FER1L6: variants seen among roughly 807,000 people sequenced by gnomAD.
FER1L6 encodes fer-1 like family member 6, also known as fer-1-like protein 6.
A neutral mutation model predicts 219.2 loss-of-function variants in FER1L6; 177 were observed. The observed-to-expected ratio is 0.81, with a 90% CI of 0.71 to 0.91. The LOEUF is 0.91. Among genes scored for constraint, FER1L6 ranks in the 40% least tolerant of loss-of-function variants. The probability of loss-of-function intolerance (pLI) is 0.00; values close to 1 mark genes in which losing one functional copy is unlikely to be tolerated. For missense variants in FER1L6, 2,153 were observed against 2,259.9 expected (o/e 0.95, Z 0.96); for synonymous variants, 768 against 824.3 (o/e 0.93, Z 1.17).
chr8:123,953,542 A>G lies in FER1L6; in HGVS notation c.-7-2450A>G, dbSNP rs1814872835. 2.6e-5 allele frequency among the ~76,000 whole-genome samples: 4 copies of G among 152,312 alleles called. No individual in the cohort carries two copies. The South Asian group carries it at 8.3e-4, about 32-fold the overall frequency. ...GGTGGGGCATCTCGTCCTCTTCCCCAGCCCATGACAGCGTCTTCAGCCATG... is the reference window on the plus strand; with the variant it reads ...GGTGGGGCATCTCGTCCTCTTCCCCGGCCCATGACAGCGTCTTCAGCCATG... On this transcript the variant is annotated intron_variant, in intron 1 of 40. Transcript: ENST00000522917.
In FER1L6 at chr8:123,973,512, G is replaced by T. The variant is rs774337773; in HGVS notation, c.526G>T (p.Gly176Cys). The change falls in exon 7 of 41, where the codon GGT becomes TGT. Residue 176 changes from glycine (G) to cysteine (C), a missense_variant and splice_region_variant. Physicochemically the swap from Gly to Cys is radical, Grantham distance 159. Transcript: ENST00000522917. ...VDLGTVYNQP[G>C]HQFCNKWALL... is the part of the protein sequence containing the mutation. ...CCTGGGGACCGTGTACAACCAACCT[G>T]GTAAGAAAACATCACCTCCCCATCT... 1 of 1,610,696 alleles carries T rather than the reference G, an allele frequency of 6.2e-7. No individual in the cohort carries two copies. The highest frequency in any genetic ancestry group is 2.2e-5 in the East Asian group (1 of 44,844).
intron 24 of FER1L6, among the ~76,000 whole-genome samples, chr8:124,061,158 G>T (rs947045606): frequency 1.3e-5 from 2 of 152,084 alleles, no homozygotes. Context: ...TAATGGCTAC[G>T]TTTTTAAAAA....
chr8:123,891,136 C>T (rs1812642497), intron 1 of FER1L6, among the ~76,000 whole-genome samples: 1 of 152,228 alleles, frequency 6.6e-6, no homozygotes, highest in Middle Eastern at 3.4e-3. Flanking sequence ...ACTTTGATCC[C>T]AAACCATTTA....
intron 29 of FER1L6, 33 bp downstream of exon 29, chr8:124,069,508 T>C (rs1205927332): frequency 1.4e-6 from 2 of 1,471,558 alleles, no homozygotes; most frequent in Non-Finnish European, 1.9e-6. Context: ...CTGCCATGGA[T>C]GGGGAGGGAT....
At chr8:123,886,956 C>T (rs757773357) in intron 1 of FER1L6, among the ~76,000 whole-genome samples, 2 of 152,090 alleles carry the variant, frequency 1.3e-5, no homozygotes, top group Middle Eastern at 3.4e-3. Context: ...AGAAAGGGAC[C>T]CTTCTGGTCT....
intron 1 of FER1L6, among the ~76,000 whole-genome samples, chr8:123,887,832 AT>A (rs952760062): frequency 1.3e-5 from 2 of 152,116 alleles, no homozygotes; most frequent in African/African-American, 2.4e-5. Context: ...AGTCATATGT[AT>A]TTTTTCCTGT....
At chr8:124,102,932 T>C (rs182681786) in intron 38 of FER1L6, among the ~76,000 whole-genome samples, 2 of 152,342 alleles carry the variant, frequency 1.3e-5, no homozygotes, top group African/African-American at 4.8e-5. Context: ...CTTTGTCTTC[T>C]ACCTGCTACC....
At chr8:123,992,986 C>T (rs1816934199) in intron 12 of FER1L6, among the ~76,000 whole-genome samples, 1 of 152,120 alleles carries the variant, frequency 6.6e-6, no homozygotes, top group Non-Finnish European at 1.5e-5. Flanking sequence ...AGACTAATTT[C>T]CATGTATTTT....
chr8:123,963,937 C>G (rs191827624), intron 3 of FER1L6, among the ~76,000 whole-genome samples: 11 of 152,328 alleles, frequency 7.2e-5, no homozygotes, highest in Admixed American at 6.5e-4. Flanking sequence ...CAGATAGTTG[C>G]AGATGCATCA....
In FER1L6 at chr8:124,076,399, C is replaced by T. The variant is rs143126507; in HGVS notation, c.4220+74C>T. The T allele has an allele frequency of 8.6e-5, 120 of 1,394,886 alleles. No individual in the cohort carries two copies. Among genetic ancestry groups the T allele is most frequent in the African/African-American group, 7.2e-4 (51 of 70,570 alleles). The allele number at this position is 1,394,886 out of a possible 1,614,324, so 86.4% of individuals were successfully genotyped here. A position where few individuals can be genotyped will look rare whatever the true frequency, so the allele number is the denominator to read the frequency against. On this transcript the variant is annotated intron_variant, in intron 32 of 40. Coordinates refer to ENST00000522917, the MANE Select transcript of FER1L6 (RefSeq NM_001039112.2). ...CTGCTGTGTTTCTGTGGGGATAGTG[C>T]GTGTATGTTTGTGTTCCTGGGTGAA...
chr8:124,029,952 G>A (rs1484941076), intron 18 of FER1L6, among the ~76,000 whole-genome samples: 1 of 152,128 alleles, frequency 6.6e-6, no homozygotes, highest in Non-Finnish European at 1.5e-5. Flanking sequence ...TAAGGTTTAA[G>A]GAAGGAGTCC....
At chr8:124,002,475 A>G (rs902900136) in intron 12 of FER1L6, among the ~76,000 whole-genome samples, 91 of 152,220 alleles carry the variant, frequency 6.0e-4, no homozygotes, top group African/African-American at 2.1e-3. Context: ...TAACATGGCT[A>G]GCTTTGGAGC....
intron 1 of FER1L6, among the ~76,000 whole-genome samples, chr8:123,923,204 A>G (rs1199193620): frequency 6.6e-6 from 1 of 152,242 alleles, no homozygotes; most frequent in Non-Finnish European, 1.5e-5. Flanking sequence ...ATCAGACAGC[A>G]AGATGCTGAT....
intron 18 of FER1L6, among the ~76,000 whole-genome samples, chr8:124,026,774 TA>T (rs1490656834): frequency 1.3e-5 from 2 of 151,234 alleles, no homozygotes; most frequent in African/African-American, 4.9e-5. Flanking sequence ...CAGTGTGGGA[TA>T]ATGGTTTAAA....
At chr8:123,898,625 G>A (rs552551708) in intron 1 of FER1L6, among the ~76,000 whole-genome samples, 1 of 144,540 alleles carries the variant, frequency 6.9e-6, no homozygotes, top group East Asian at 2.0e-4. Flanking sequence ...CCTTTTTATG[G>A]CTGAGTAGTA....
chr8:124,105,010 A>C (rs1242244554), intron 39 of FER1L6, among the ~76,000 whole-genome samples: 1 of 152,184 alleles, frequency 6.6e-6, no homozygotes, highest in Non-Finnish European at 1.5e-5. Context: ...CTAGCTACTC[A>C]CACATACTCC....
Position 124,082,314 on chromosome 8 carries a change from C to T in FER1L6, c.4247C>T (p.Pro1416Leu), listed in dbSNP as rs1821588318. The T allele has an allele frequency of 6.2e-6, 10 of 1,613,308 alleles. No homozygotes were observed. The highest frequency in any genetic ancestry group is 7.6e-6 in the Non-Finnish European group (9 of 1,179,688). The change falls in exon 33 of 41, where the codon CCA becomes CTA. Residue 1416 changes from proline to leucine, a missense_variant. Coordinates refer to ENST00000522917, the MANE Select transcript of FER1L6 (RefSeq NM_001039112.2). Reference sequence around the variant, plus strand: ...TCATTTGAGATCCAAGCCACATTCCCAAAAGAGTCCCTGCTCTCCATCCTG... The same window carrying T: ...TCATTTGAGATCCAAGCCACATTCCTAAAAGAGTCCCTGCTCTCCATCCTG... Reference protein sequence around the residue: ...GRSFEIQATFPKESLLSILIY... With the variant: ...GRSFEIQATFLKESLLSILIY...
At chr8:124,119,224 A>C (rs1823379603) in intron 40 of FER1L6, among the ~76,000 whole-genome samples, 2 of 152,310 alleles carry the variant, frequency 1.3e-5, no homozygotes, top group Non-Finnish European at 1.5e-5. Flanking sequence ...CCGTAGTTTC[A>C]AAAGGGGGTG....
intron 12 of FER1L6, among the ~76,000 whole-genome samples, chr8:123,990,162 G>A (rs539217298): frequency 6.6e-6 from 1 of 152,252 alleles, no homozygotes; most frequent in South Asian, 2.1e-4. Flanking sequence ...CAGCTACTTG[G>A]GAGGCTGAGG....
Sources: allele counts gnomAD v4.1 joint callset (sites outside exome capture counted in the v4.1 genomes callset), GRCh38; gene constraint gnomAD v4.1.1; transcripts MANE v1.5; gene names NCBI Gene and HGNC (gene_info 2026-07-23, HGNC 2026-07-21).